PARD3B: variants seen among roughly 807,000 people sequenced by gnomAD.
PARD3B encodes par-3 family cell polarity regulator beta.
A neutral mutation model predicts 130.2 loss-of-function variants in PARD3B; 103 were observed. The ratio of observed to expected loss-of-function variants is 0.79; its 90% CI spans 0.67 to 0.93. The LOEUF (loss-of-function observed/expected upper bound fraction) is 0.93, where lower values mean the gene tolerates loss of function less well. Ranked by LOEUF, PARD3B falls within the 40% of genes least tolerant of loss-of-function variation. PARD3B has a pLI of 0.00. For synonymous variants in PARD3B, 583 were observed against 553.2 expected (o/e 1.05, Z -0.76); for missense variants, 1,609 against 1,499.2 (o/e 1.07, Z -1.21).
In PARD3B at chr2:205,274,519, T is replaced by A. The variant is rs1426683816; in HGVS notation, c.2186-26011T>A. Among the ~76,000 whole-genome samples the A allele has an allele frequency of 8.1e-6, 1 of 122,846 alleles. No individual in the cohort carries two copies. The highest frequency in any genetic ancestry group is 2.2e-4 in the East Asian group (1 of 4,466). The allele number at this position is 122,846 out of a possible 152,430, so 80.6% of individuals were successfully genotyped here. A position where few individuals can be genotyped will look rare whatever the true frequency, so the allele number is the denominator to read the frequency against. ...CATTAATTATTAAATATGAATAGTA[T>A]TAAATGTGTGGTACATTGCTTTTTT... On this transcript the variant is annotated intron_variant, in intron 16 of 22. Transcript: ENST00000406610. This position sits in a 1 kb window ranked among gnomAD's most constrained non-coding sequence, Gnocchi z 4.2.
At chr2:204,629,432 A>G (rs1333530197) in intron 1 of PARD3B, among the ~76,000 whole-genome samples, 3 of 152,124 alleles carry the variant, frequency 2.0e-5, no homozygotes, top group African/African-American at 7.2e-5. Flanking sequence ...TCATGAATTC[A>G]GTCATCTTCA....
In PARD3B at chr2:205,470,181, A is replaced by G. The variant is rs1029854777; in HGVS notation, c.3044+29509A>G. ...AATTATATGGTTCTGCAATTCTTTA[A>G]TGGAAGCAAAATAGGAGTTCAGGTT... On this transcript the variant is annotated intron_variant, in intron 20 of 22. Transcript: ENST00000406610. The surrounding 1 kb of genome is among the most constrained non-coding windows in gnomAD (Gnocchi z 4.8). Among the ~76,000 whole-genome samples the G allele has an allele frequency of 6.6e-6, 1 of 152,174 alleles. No homozygotes were observed.
rs1387973551 is a variant in PARD3B at position 205,463,797 on chromosome 2, G to C, written c.3044+23125G>C. Among the ~76,000 whole-genome samples the C allele has an allele frequency of 2.0e-5, 3 of 152,122 alleles. No homozygotes were observed. Among genetic ancestry groups the C allele is most frequent in the Non-Finnish European group, 2.9e-5 (2 of 68,012 alleles). The stretch of plus-strand genomic sequence containing the variant: ...AGCATTTTAACAAAGCAGCCTCCTC[G>C]AGGAAGGAAAGCCAGCCACCCTTCC... On this transcript the variant is annotated intron_variant, in intron 20 of 22. Transcript: ENST00000406610. This position sits in a 1 kb window ranked among gnomAD's most constrained non-coding sequence, Gnocchi z 4.8.
intron 11 of PARD3B, among the ~76,000 whole-genome samples, chr2:205,165,284 T>A (rs1284134346): frequency 6.6e-6 from 1 of 152,170 alleles, no homozygotes; most frequent in Non-Finnish European, 1.5e-5. Flanking sequence ...TATTATTGTA[T>A]GGTACACCAG....
At position 205,185,784 on chromosome 2, in the gene PARD3B, G is replaced by A. The variant is rs755488656; in HGVS notation, c.1945G>A (p.Gly649Arg). 70 of 1,613,892 alleles carry A rather than the reference G, an allele frequency of 4.3e-5. 1 individual carries two copies. In the South Asian group the frequency reaches 4.4e-4, roughly 10 times the overall value. Residue 649 changes from glycine to arginine, a missense_variant, in exon 14 of 23, where the codon GGA becomes AGA. Physicochemically the swap from Gly to Arg is moderately radical, Grantham distance 125 (BLOSUM62 -2). Coordinates refer to ENST00000406610, the MANE Select transcript of PARD3B (RefSeq NM_001302769.2). ...KQKGLLLPND[G>R]WAESEVPPSP... ...TATAGGTCTATTGCTGCCCAATGAC[G>A]GATGGGCCGAGAGTGAAGTTCCACC...
rs187378843 is a variant in PARD3B, at chr2:204,712,585, G to A, written c.222+26303G>A. Reference sequence around the variant, plus strand: ...GCGGAGATCACGCCACTGCACTTTAGCCTGGGTGACAGAGCAAGACCCCAT... The same window carrying A: ...GCGGAGATCACGCCACTGCACTTTAACCTGGGTGACAGAGCAAGACCCCAT... On this transcript the variant is annotated intron_variant, in intron 2 of 22. Coordinates refer to ENST00000406610, the MANE Select transcript of PARD3B (RefSeq NM_001302769.2). Among the ~76,000 whole-genome samples the A allele has an allele frequency of 6.5e-5, 9 of 138,868 alleles. No individual in the cohort carries two copies. The East Asian group carries it at 1.9e-3, about 30-fold the overall frequency. The allele number at this position is 138,868 out of a possible 152,430, so 91.1% of individuals were successfully genotyped here.
chr2:205,615,006 C>G (rs924070504), intron 22 of PARD3B, among the ~76,000 whole-genome samples: 7 of 152,314 alleles, frequency 4.6e-5, no homozygotes. Flanking sequence ...GGGGAGGGAA[C>G]TAATGACCCC....
At chr2:204,930,479 T>C (rs559087246) in intron 2 of PARD3B, among the ~76,000 whole-genome samples, 1 of 152,164 alleles carries the variant, frequency 6.6e-6, no homozygotes, top group South Asian at 2.1e-4. Flanking sequence ...TGGTCTGCAA[T>C]TGGTTGAATT....
Position 205,160,345 on chromosome 2 carries a change from C to T in PARD3B, c.1620+1438C>T, listed in dbSNP as rs2034436836. Reference sequence around the variant, plus strand: ...ACTCTGCAGATCTGAGTGTGCTGCACTTCTTTCTCCTGCTCCTTGGATCAG... The same window carrying T: ...ACTCTGCAGATCTGAGTGTGCTGCATTTCTTTCTCCTGCTCCTTGGATCAG... On this transcript the variant is annotated intron_variant, in intron 11 of 22. Transcript: ENST00000406610. This position sits in a 1 kb window ranked among gnomAD's most constrained non-coding sequence, Gnocchi z 4.0. Among the ~76,000 whole-genome samples the T allele has an allele frequency of 6.6e-6, 1 of 152,226 alleles. No individual in the cohort carries two copies. Among genetic ancestry groups the T allele is most frequent in the South Asian group, 2.1e-4 (1 of 4,832 alleles).
At chr2:205,213,876 A>G (rs1295373539) in intron 15 of PARD3B, among the ~76,000 whole-genome samples, 1 of 152,162 alleles carries the variant, frequency 6.6e-6, no homozygotes, top group Non-Finnish European at 1.5e-5. Flanking sequence ...AAACTTGAAG[A>G]AAAGGGCTGT....
At chr2:204,970,467 C>T (rs891148629) in intron 3 of PARD3B, among the ~76,000 whole-genome samples, 12 of 152,332 alleles carry the variant, frequency 7.9e-5, no homozygotes, top group African/African-American at 2.4e-4. Context: ...GCCACAGTTT[C>T]CTCATCTATA....
At chr2:204,687,792 C>T (rs1302814676) in intron 2 of PARD3B, among the ~76,000 whole-genome samples, 1 of 152,130 alleles carries the variant, frequency 6.6e-6, no homozygotes, top group African/African-American at 2.4e-5. Context: ...ATGTAGAAGG[C>T]AGTTCCTGTC....
intron 2 of PARD3B, among the ~76,000 whole-genome samples, chr2:204,829,204 A>C (rs1246366354): frequency 6.6e-6 from 1 of 152,248 alleles, no homozygotes; most frequent in Non-Finnish European, 1.5e-5. Flanking sequence ...CACATAGCCT[A>C]TTGTAAATTC....
chr2:204,550,434 G>GTGTGTGTT, intron 1 of PARD3B, among the ~76,000 whole-genome samples: 1 of 151,846 alleles, frequency 6.6e-6, no homozygotes, highest in South Asian at 2.1e-4. Flanking sequence ...GTGTGTGTGT[G>GTGTGTGTT]TGTGTGTGTG....
chr2:204,976,465 C>T (rs1692161915), intron 3 of PARD3B, among the ~76,000 whole-genome samples: 1 of 151,992 alleles, frequency 6.6e-6, no homozygotes, highest in Non-Finnish European at 1.5e-5. Flanking sequence ...CATATATGTA[C>T]ATGTAAAACA....
intron 3 of PARD3B, among the ~76,000 whole-genome samples, chr2:204,973,995 A>G (rs1691928476): frequency 6.6e-6 from 1 of 152,242 alleles, no homozygotes; most frequent in South Asian, 2.1e-4. Flanking sequence ...TATCTTTGAA[A>G]CAATGTATTC....
chr2:204,723,952 T>C (rs991032563), intron 2 of PARD3B, among the ~76,000 whole-genome samples: 1 of 152,198 alleles, frequency 6.6e-6, no homozygotes, highest in South Asian at 2.1e-4. Flanking sequence ...ATTTGCTGAT[T>C]TGAGTTCTTA....
chr2:204,573,574 G>T (rs2032106992), intron 1 of PARD3B, among the ~76,000 whole-genome samples: 1 of 152,134 alleles, frequency 6.6e-6, no homozygotes, highest in Non-Finnish European at 1.5e-5. Context: ...CACATGCCCA[G>T]CTAATACAGG....
In PARD3B at chr2:204,983,888, T is replaced by A. The variant is rs183303197; in HGVS notation, c.394+18565T>A. 3.7e-3 allele frequency among the ~76,000 whole-genome samples: 566 copies of A among 152,292 alleles called. 3 individuals carry two copies. The highest frequency in any genetic ancestry group is 3.9e-3 in the Non-Finnish European group (264 of 68,024). On this transcript the variant is annotated intron_variant, in intron 3 of 22. Coordinates refer to ENST00000406610, the MANE Select transcript of PARD3B (RefSeq NM_001302769.2). ...AACTGACTCTAACCCCTTCTTTGGG[T>A]CTTCGTTTCCTTATGAGGGCTCCTG...
Sources: gnomAD v4.1 joint callset for allele counts (sites outside exome capture counted in the v4.1 genomes callset) on GRCh38, gnomAD v4.1.1 for gene constraint, Gnocchi (gnomAD v3.1) non-coding constraint, MANE v1.5 for transcripts, NCBI Gene and HGNC (gene_info 2026-07-23, HGNC 2026-07-21) for gene names.